The following ATOH8 variants were observed in gnomAD, a reference collection of about 807,000 sequenced individuals.
ATOH8 encodes transcription factor ATOH8.
Under a neutral mutation model 21.2 loss-of-function variants are expected in ATOH8, and 9 were observed. The observed-to-expected ratio is 0.42, with a 90% CI of 0.26 to 0.74. The LOEUF (loss-of-function observed/expected upper bound fraction) is 0.74. ATOH8 is among the 30% of genes least tolerant of loss of function. The pLI, the probability that ATOH8 is intolerant of heterozygous loss-of-function variation, is 0.24. For missense variants in ATOH8, 524 were observed against 470.9 expected (o/e 1.11, Z -1.04); for synonymous variants, 253 against 224.0 (o/e 1.13, Z -1.16).
chr2:85,764,107 C>T lies in ATOH8; in HGVS notation c.885C>T (p.Ser295=). Residue 295 remains serine, a synonymous_variant, in exon 2 of 3, where the codon AGC becomes AGT. Coordinates refer to ENST00000306279, the MANE Select transcript of ATOH8 (RefSeq NM_032827.7). ...ACCTTGACTACAGTGCCGACCACAGCAACCTCAGCTTCTCCGAGTGTGTGC... is the reference window on the plus strand; with the variant it reads ...ACCTTGACTACAGTGCCGACCACAGTAACCTCAGCTTCTCCGAGTGTGTGC... ...LADLDYSADH[S]NLSFSECVQR... is the part of the protein sequence containing the mutation. 1 of 1,614,214 alleles carries T rather than the reference C, an allele frequency of 6.2e-7. No individual in the cohort carries two copies. Among genetic ancestry groups the T allele is most frequent in the South Asian group, 1.1e-5 (1 of 91,074 alleles).
chr2:85,754,580 G>T lies in ATOH8; in HGVS notation c.391G>T (p.Ala131Ser). 1 of 1,446,678 alleles carries T rather than the reference G, an allele frequency of 6.9e-7. No homozygotes were observed. The highest frequency in any genetic ancestry group is 1.5e-5 in the African/African-American group (1 of 66,632). The allele number at this position is 1,446,678 out of a possible 1,614,324, so 89.6% of individuals were successfully genotyped here. ...LPTPPPPPPP[A>S]PQSQAPGGPE... ...CACGCCGCCGCCGCCGCCGCCTCCT[G>T]CGCCCCAGAGCCAGGCACCTGGGGG... Residue 131 changes from alanine (A) to serine (S), a missense_variant, in exon 1 of 3, where the codon GCG (alanine) becomes TCG (serine). Physicochemically the swap from Ala to Ser is moderately conservative, Grantham distance 99 (BLOSUM62 1). Coordinates refer to ENST00000306279, the MANE Select transcript of ATOH8 (RefSeq NM_032827.7).
intron 2 of ATOH8, chr2:85,774,076 A>G: frequency 2.0e-6 from 2 of 984,786 alleles, no homozygotes; most frequent in Non-Finnish European, 2.4e-6. Flanking sequence ...GGGTCTGTTC[A>G]TGGATTAGTG....
rs1680106474 is a variant in ATOH8, at chr2:85,769,145, C to G, written c.960+4963C>G. Reference sequence around the variant, plus strand: ...CCCCCAGATCTATGGAATAGGAAAGCACTGATTTTGCACAAACCAGGGCAT... The same window carrying G: ...CCCCCAGATCTATGGAATAGGAAAGGACTGATTTTGCACAAACCAGGGCAT... On this transcript the variant is annotated intron_variant, in intron 2 of 2. Transcript: ENST00000306279. 4.0e-5 allele frequency among the ~76,000 whole-genome samples: 6 copies of G among 151,864 alleles called. No homozygotes were observed. The South Asian group carries it at 1.0e-3, about 26-fold the overall frequency.
Position 85,754,885 on chromosome 2 carries a change from G to A in ATOH8, c.696G>A (p.Arg232=). ...TCAAAGCCCTGCAGCAGACCCGGAG[G>A]CTCCTGGCGAACGCCAGGGAGCGGA... ...SEIKALQQTR[R]LLANARERTR... The change falls in exon 1 of 3, where the codon AGG becomes AGA. Residue 232 remains arginine, a synonymous_variant. Coordinates refer to ENST00000306279, the MANE Select transcript of ATOH8 (RefSeq NM_032827.7). The A allele has an allele frequency of 6.2e-7, 1 of 1,611,274 alleles. No individual in the cohort carries two copies. Among genetic ancestry groups the A allele is most frequent in the Non-Finnish European group, 8.5e-7 (1 of 1,179,768 alleles).
At chr2:85,771,088 G>T (rs539326794) in intron 2 of ATOH8, among the ~76,000 whole-genome samples, 23 of 152,334 alleles carry the variant, frequency 1.5e-4, no homozygotes, top group Non-Finnish European at 2.6e-4. Flanking sequence ...GGGTGTCTGT[G>T]TAGGGTGGGG....
In ATOH8 at chr2:85,762,998, G is replaced by A. The variant is rs186587815; in HGVS notation, c.769-993G>A. Among the ~76,000 whole-genome samples the A allele has an allele frequency of 1.6e-3, 244 of 152,228 alleles. 2 individuals are homozygous for A. The highest frequency in any genetic ancestry group is 5.6e-3 in the African/African-American group (231 of 41,522). On this transcript the variant is annotated intron_variant, in intron 1 of 2. Coordinates refer to ENST00000306279, the MANE Select transcript of ATOH8 (RefSeq NM_032827.7). ...TGCCGTCCCACCCCCTGTGGGATAC[G>A]AGTTCATCAATGATATGGATGCCAC...
chr2:85,757,027 A>T (rs1322109089), intron 1 of ATOH8, among the ~76,000 whole-genome samples: 1 of 152,242 alleles, frequency 6.6e-6, no homozygotes, highest in Non-Finnish European at 1.5e-5. Context: ...GAGCGTGTGT[A>T]TGCAATGCAA....
In ATOH8 at chr2:85,787,187, A is replaced by G; in HGVS notation, c.*297A>G. 2.3e-6 allele frequency: 1 copy of G among 431,124 alleles called. No individual in the cohort carries two copies. Among genetic ancestry groups the G allele is most frequent in the Non-Finnish European group, 4.2e-6 (1 of 240,846 alleles). 26.7% of individuals were successfully genotyped at this position (431,124 alleles called of 1,614,324 possible). A position where few individuals can be genotyped will look rare whatever the true frequency, so the allele number is the denominator to read the frequency against. On this transcript the variant is annotated 3_prime_UTR_variant, in exon 3 of 3. Coordinates refer to ENST00000306279, the MANE Select transcript of ATOH8 (RefSeq NM_032827.7). The stretch of plus-strand genomic sequence containing the variant: ...TGTCCAGCTGCAGAAATTCGTTGCC[A>G]AAGATTGGACAGAGACACCGAAGGA...
rs919829128 is a variant in ATOH8, at chr2:85,787,791, C to G, written c.*901C>G. On this transcript the variant is annotated 3_prime_UTR_variant, in exon 3 of 3. Transcript: ENST00000306279. ...GAAAAAGAGTTTTTCTCTTGTTCAGCCTGCACGTGGCCTGAGGAAGGAGTA... is the reference window on the plus strand; with the variant it reads ...GAAAAAGAGTTTTTCTCTTGTTCAGGCTGCACGTGGCCTGAGGAAGGAGTA... 6.5e-6 allele frequency: 1 copy of G among 152,792 alleles called. No homozygotes were observed. Among genetic ancestry groups the G allele is most frequent in the African/African-American group, 2.4e-5 (1 of 41,446 alleles). The allele number at this position is 152,792 out of a possible 1,614,324, so 9.5% of individuals were successfully genotyped here.
In ATOH8 at chr2:85,791,090, C is replaced by T. The variant is rs2271837; in HGVS notation, c.*4200C>T. On this transcript the variant is annotated 3_prime_UTR_variant, in exon 3 of 3. Transcript: ENST00000306279. Reference sequence around the variant, plus strand: ...CTTTGTGAGGAGCAGCTGGCTTCTCCCTTTGCCCCCAGGTTTTGCCCTCCC... The same window carrying T: ...CTTTGTGAGGAGCAGCTGGCTTCTCTCTTTGCCCCCAGGTTTTGCCCTCCC... Among the ~76,000 whole-genome samples, 361 of 152,274 alleles carry T rather than the reference C, an allele frequency of 2.4e-3. 10 individuals carry two copies. The East Asian group carries it at 0.047, about 20-fold the overall frequency.
intron 1 of ATOH8, among the ~76,000 whole-genome samples, chr2:85,755,508 C>T (rs560110314): frequency 6.6e-6 from 1 of 152,320 alleles, no homozygotes; most frequent in South Asian, 2.1e-4. Flanking sequence ...TGTGCCCTCT[C>T]CCCAGGGGTG....
At position 85,774,116 on chromosome 2, in the gene ATOH8, A is replaced by T. The variant is rs529362176; in HGVS notation, c.960+9934A>T. 1.1e-5 allele frequency: 11 copies of T among 985,446 alleles called. No homozygotes were observed. In the South Asian group the frequency reaches 5.2e-4, roughly 46 times the overall value. 61.0% of individuals were successfully genotyped at this position (985,446 alleles called of 1,614,324 possible). On this transcript the variant is annotated intron_variant, in intron 2 of 2. Transcript: ENST00000306279. The stretch of plus-strand genomic sequence containing the variant: ...AAAGGACGTAATATTGTTTTGCAAA[A>T]TCTGCTCTCCCTCCCATGTCTCCTG...
At chr2:85,770,577 T>C (rs770808973) in intron 2 of ATOH8, among the ~76,000 whole-genome samples, 1 of 152,262 alleles carries the variant, frequency 6.6e-6, no homozygotes, top group African/African-American at 2.4e-5. Context: ...TTCTCTCAGC[T>C]GCCGTTTCTC....
At chr2:85,772,179 G>A (rs937677928) in intron 2 of ATOH8, among the ~76,000 whole-genome samples, 17 of 152,128 alleles carry the variant, frequency 1.1e-4, no homozygotes, top group Admixed American at 1.3e-4. Context: ...TGGTGGTAGC[G>A]AGGGGTGGGT....
At chr2:85,756,161 G>A (rs1334165639) in intron 1 of ATOH8, among the ~76,000 whole-genome samples, 1 of 101,574 alleles carries the variant, frequency 9.8e-6, no homozygotes, top group Admixed American at 1.3e-4. Flanking sequence ...TGGGCTTGGG[G>A]AAAGTGGTCA....
chr2:85,769,556 A>G (rs1313718245), intron 2 of ATOH8, among the ~76,000 whole-genome samples: 2 of 152,252 alleles, frequency 1.3e-5, no homozygotes, highest in East Asian at 1.9e-4. Flanking sequence ...TTCTGGGGAC[A>G]GGAGGCAGGT....
chr2:85,754,103 G>A lies in ATOH8; in HGVS notation c.-87G>A. 1 of 1,359,558 alleles carries A rather than the reference G, an allele frequency of 7.4e-7. No individual in the cohort carries two copies. The highest frequency in any genetic ancestry group is 1.7e-5 in the South Asian group (1 of 58,770). 84.2% of individuals were successfully genotyped at this position (1,359,558 alleles called of 1,614,324 possible). A position where few individuals can be genotyped will look rare whatever the true frequency, so the allele number is the denominator to read the frequency against. On this transcript the variant is annotated 5_prime_UTR_variant, in exon 1 of 3. Transcript: ENST00000306279. ...GGAGAGAGGGAGGGGGAGGGCGGGCGAAGCGGGAGAGCCAGAGACTCCTCG... is the reference window on the plus strand; with the variant it reads ...GGAGAGAGGGAGGGGGAGGGCGGGCAAAGCGGGAGAGCCAGAGACTCCTCG...
Position 85,774,439 on chromosome 2 carries a change from A to G in ATOH8, c.960+10257A>G, listed in dbSNP as rs958316151. ...CCCTTTCTACCTGCCCCAGCAGACC[A>G]GAAAGCAGTTTCCATGGGAAACAAC... On this transcript the variant is annotated intron_variant, in intron 2 of 2. Transcript: ENST00000306279. 5 of 985,402 alleles carry G rather than the reference A, an allele frequency of 5.1e-6. No homozygotes were observed. The African/African-American group carries it at 5.2e-5, about 10-fold the overall frequency. The allele number at this position is 985,402 out of a possible 1,614,324, so 61.0% of individuals were successfully genotyped here.
chr2:85,754,860 T>C lies in ATOH8; in HGVS notation c.671T>C (p.Ile224Thr), dbSNP rs762957319. 11 of 1,611,932 alleles carry C rather than the reference T, an allele frequency of 6.8e-6. No homozygotes were observed. Among genetic ancestry groups the C allele is most frequent in the Admixed American group, 5.0e-5 (3 of 60,012 alleles). Residue 224 changes from isoleucine to threonine, a missense_variant, in exon 1 of 3, where the codon ATC becomes ACC. Ile to Thr is a moderately conservative substitution (Grantham distance 89, BLOSUM62 -1). Transcript: ENST00000306279. The part of the protein sequence containing the change: ...PGEATAASSE[I>T]KALQQTRRLL... Reference sequence around the variant, plus strand: ...GAAGCGACTGCCGCCTCCTCCGAGATCAAAGCCCTGCAGCAGACCCGGAGG... The same window carrying C: ...GAAGCGACTGCCGCCTCCTCCGAGACCAAAGCCCTGCAGCAGACCCGGAGG...
Sources: gnomAD v4.1 joint callset for allele counts (sites outside exome capture counted in the v4.1 genomes callset) on GRCh38, gnomAD v4.1.1 for gene constraint, MANE v1.5 for transcripts, NCBI Gene and HGNC (gene_info 2026-07-23, HGNC 2026-07-21) for gene names.